The following CTNNA2 variants were observed in gnomAD, a reference collection of about 807,000 sequenced individuals.
The protein encoded by CTNNA2 is catenin alpha 2.
In CTNNA2, 42 loss-of-function variants were observed where a neutral mutation model predicts 101.0. The observed-to-expected ratio is 0.42, with a 90% CI of 0.32 to 0.54. The LOEUF (loss-of-function observed/expected upper bound fraction) is 0.54, where lower values mean the gene tolerates loss of function less well. CTNNA2 is among the 20% of genes least tolerant of loss of function. The pLI, the probability that CTNNA2 is intolerant of heterozygous loss-of-function variation, is 0.14. For missense variants in CTNNA2, 871 were observed against 1,223.1 expected, an observed-to-expected ratio of 0.71 and a Z score of 4.29; for synonymous variants, 450 against 456.4, an observed-to-expected ratio of 0.99 and a Z score of 0.18.
intron 2 of CTNNA2, among the ~76,000 whole-genome samples, chr2:79,709,421 T>A (rs1685600572): frequency 6.6e-6 from 1 of 152,128 alleles, no homozygotes; most frequent in Non-Finnish European, 1.5e-5. Flanking sequence ...AATGGGAAAG[T>A]CATTGCACTC....
At chr2:79,195,807 C>T (rs370554004) in intron 1 of CTNNA2, 8 of 513,756 alleles carry the variant, frequency 1.6e-5, no homozygotes, top group African/African-American at 7.7e-5. Context: ...AAGCAAGGCC[C>T]GGCATAGGGA....
chr2:79,424,520 A>T (rs1678572962), intron 4 of CTNNA2, among the ~76,000 whole-genome samples: 1 of 152,156 alleles, frequency 6.6e-6, no homozygotes. Flanking sequence ...GTTAATAAAC[A>T]ATAACAAAAG....
chr2:80,039,337 G>C (rs551900563), intron 7 of CTNNA2, among the ~76,000 whole-genome samples: 2 of 152,188 alleles, frequency 1.3e-5, no homozygotes, highest in African/African-American at 4.8e-5. Flanking sequence ...GGCTAGGCTA[G>C]AATGATTTTA....
chr2:80,303,266 C>A lies in CTNNA2; in HGVS notation c.1057-89945C>A. 6.2e-7 allele frequency: 1 copy of A among 1,613,434 alleles called. No homozygotes were observed. ...TCCGATGTCGAGAAACTTGAGGCTG[C>A]GGCAGTCCTGGAAGATGCGCACGGG... On this transcript the variant is annotated intron_variant, in intron 7 of 18. Transcript: ENST00000402739. The surrounding 1 kb of genome is among the most constrained non-coding windows in gnomAD (Gnocchi z 7.7).
intron 15 of CTNNA2, among the ~76,000 whole-genome samples, chr2:80,598,824 A>T (rs1387426638): frequency 6.6e-6 from 1 of 152,218 alleles, no homozygotes; most frequent in Non-Finnish European, 1.5e-5. Context: ...CTGACATAAC[A>T]AACTTGTAGA....
chr2:80,425,250 G>A (rs920615694), intron 9 of CTNNA2, among the ~76,000 whole-genome samples: 4 of 152,096 alleles, frequency 2.6e-5, no homozygotes, highest in African/African-American at 9.7e-5. Flanking sequence ...TCTCTTGTAG[G>A]CTACTCCGTC....
chr2:79,839,101 C>T (rs1428204416), intron 3 of CTNNA2, among the ~76,000 whole-genome samples: 1 of 152,024 alleles, frequency 6.6e-6, no homozygotes, highest in Non-Finnish European at 1.5e-5. Flanking sequence ...AATTGTAATA[C>T]TTTCTTTAAT....
At chr2:79,822,968 T>C (rs1243099232) in intron 3 of CTNNA2, among the ~76,000 whole-genome samples, 1 of 152,182 alleles carries the variant, frequency 6.6e-6, no homozygotes, top group Non-Finnish European at 1.5e-5. Context: ...CTTGACAGGC[T>C]CTTTTCTGAT....
At chr2:79,671,233 C>T (rs976392572) in intron 2 of CTNNA2, among the ~76,000 whole-genome samples, 2 of 150,940 alleles carry the variant, frequency 1.3e-5, no homozygotes, top group African/African-American at 4.9e-5. Flanking sequence ...GAAAGAAATG[C>T]TACAGTAAGC....
intron 7 of CTNNA2, among the ~76,000 whole-genome samples, chr2:80,321,580 C>G (rs538324176): frequency 6.6e-6 from 1 of 152,330 alleles, no homozygotes; most frequent in Non-Finnish European, 1.5e-5. Flanking sequence ...TGCAAATGAA[C>G]TACAACCAGG....
At chr2:80,464,489 T>C (rs1305225798) in intron 9 of CTNNA2, among the ~76,000 whole-genome samples, 1 of 152,190 alleles carries the variant, frequency 6.6e-6, no homozygotes, top group Non-Finnish European at 1.5e-5. Flanking sequence ...AGTGAGGTTT[T>C]CTCACAGTAA....
At chr2:79,948,169 A>C (rs889454261) in intron 7 of CTNNA2, among the ~76,000 whole-genome samples, 18 of 152,324 alleles carry the variant, frequency 1.2e-4, no homozygotes, top group African/African-American at 4.3e-4. Flanking sequence ...CTTCAACAAG[A>C]GAGTGAGATC....
chr2:80,259,066 C>T (rs765128077), intron 7 of CTNNA2, among the ~76,000 whole-genome samples: 1 of 152,060 alleles, frequency 6.6e-6, no homozygotes, highest in Non-Finnish European at 1.5e-5. Flanking sequence ...CCTGTCCCAG[C>T]CTTTATGTTG....
At chr2:79,413,035 T>C (rs1406466304) in intron 4 of CTNNA2, among the ~76,000 whole-genome samples, 1 of 152,102 alleles carries the variant, frequency 6.6e-6, no homozygotes, top group East Asian at 1.9e-4. Flanking sequence ...TAATTTGTCT[T>C]AAGTCTTTCA....
chr2:79,960,514 C>T (rs557670062), intron 7 of CTNNA2, among the ~76,000 whole-genome samples: 3 of 152,126 alleles, frequency 2.0e-5, no homozygotes, highest in Non-Finnish European at 4.4e-5. Flanking sequence ...GTAGCAAAGC[C>T]ATTAGCTACT....
intron 7 of CTNNA2, among the ~76,000 whole-genome samples, chr2:80,263,035 C>A (rs1207766267): frequency 6.6e-6 from 1 of 152,100 alleles, no homozygotes; most frequent in Non-Finnish European, 1.5e-5. Flanking sequence ...AATGGAATTT[C>A]TTTAGACTAA....
At chr2:79,497,674 T>A (rs953602121) in intron 4 of CTNNA2, among the ~76,000 whole-genome samples, 1 of 152,180 alleles carries the variant, frequency 6.6e-6, no homozygotes, top group African/African-American at 2.4e-5. Flanking sequence ...CCACACTAAA[T>A]CATGGTACTC....
chr2:80,105,984 C>G (rs1051463808), intron 7 of CTNNA2, among the ~76,000 whole-genome samples: 11 of 152,154 alleles, frequency 7.2e-5, no homozygotes, highest in Non-Finnish European at 1.3e-4. Flanking sequence ...TGGCAGGTAA[C>G]AGTCCAATGA....
chr2:80,110,531 A>C (rs572039913), intron 7 of CTNNA2, among the ~76,000 whole-genome samples: 1 of 152,308 alleles, frequency 6.6e-6, no homozygotes, highest in African/African-American at 2.4e-5. Context: ...AGAATTAATT[A>C]GCTAAAGAAG....
Sources: gnomAD v4.1 joint callset for allele counts (sites outside exome capture counted in the v4.1 genomes callset) on GRCh38, gnomAD v4.1.1 for gene constraint, Gnocchi (gnomAD v3.1) non-coding constraint, MANE v1.5 for transcripts, NCBI Gene and HGNC (gene_info 2026-07-23, HGNC 2026-07-21) for gene names.